Variants in SPIDR observed in about 807,000 individuals in gnomAD.
The protein encoded by SPIDR is DNA repair-scaffolding protein.
A neutral mutation model predicts 104.6 loss-of-function variants in SPIDR; 93 were observed. The ratio of observed to expected loss-of-function variants is 0.89; its 90% CI spans 0.75 to 1.06. The LOEUF (loss-of-function observed/expected upper bound fraction) is 1.06, where lower values mean the gene tolerates loss of function less well. Among genes scored for constraint, SPIDR ranks in the 50% least tolerant of loss-of-function variants. The pLI, the probability that SPIDR is intolerant of heterozygous loss-of-function variation, is 0.00. For missense variants in SPIDR, 1,154 were observed against 1,111.2 expected, an observed-to-expected ratio of 1.04 and a Z score of -0.55; for synonymous variants, 431 against 416.9, an observed-to-expected ratio of 1.03 and a Z score of -0.41.
At chr8:47,671,171 A>G (rs770580661) in intron 10 of SPIDR, among the ~76,000 whole-genome samples, 8 of 152,122 alleles carry the variant, frequency 5.3e-5, no homozygotes, top group Non-Finnish European at 1.0e-4. Flanking sequence ...CAGCCTCCCA[A>G]AGTGCTGGGA....
intron 5 of SPIDR, among the ~76,000 whole-genome samples, chr8:47,354,177 TTCTC>T (rs2054085025): frequency 6.6e-6 from 1 of 152,178 alleles, no homozygotes; most frequent in African/African-American, 2.4e-5. Context: ...CAAAGTGCCT[TTCTC>T]AATCATATAT....
chr8:47,279,720 A>C (rs1225798794), intron 1 of SPIDR, 142 bp from the exon 2 acceptor site: 4 of 742,460 alleles, frequency 5.4e-6, no homozygotes, highest in African/African-American at 3.5e-5. Flanking sequence ...CTTTATGTGA[A>C]GATTTAGAGA....
At chr8:47,352,849 A>C (rs2053800917) in intron 5 of SPIDR, among the ~76,000 whole-genome samples, 1 of 151,950 alleles carries the variant, frequency 6.6e-6, no homozygotes, top group Admixed American at 6.5e-5. Context: ...AGGTTGAGAG[A>C]TCGAGACCAT....
Position 47,464,131 on chromosome 8 carries a change from C to T in SPIDR, c.1097+23589C>T, listed in dbSNP as rs1458419906. ...AAGATTATACACACACACACACACACACACACACACACACACACACACACA... is the reference window on the plus strand; with the variant it reads ...AAGATTATACACACACACACACACATACACACACACACACACACACACACA... On this transcript the variant is annotated intron_variant, in intron 8 of 19. Coordinates refer to ENST00000297423, the MANE Select transcript of SPIDR (RefSeq NM_001080394.4). 8.9e-5 allele frequency among the ~76,000 whole-genome samples: 12 copies of T among 135,416 alleles called. No individual in the cohort carries two copies. In the East Asian group the frequency reaches 2.4e-3, roughly 28 times the overall value. 88.8% of individuals were successfully genotyped at this position (135,416 alleles called of 152,430 possible). A position where few individuals can be genotyped will look rare whatever the true frequency, so the allele number is the denominator to read the frequency against.
chr8:47,611,464 C>T (rs1013896960), intron 10 of SPIDR, among the ~76,000 whole-genome samples: 1 of 151,974 alleles, frequency 6.6e-6, no homozygotes, highest in Non-Finnish European at 1.5e-5. Context: ...TTTGGGAGGC[C>T]GAGACGGGCA....
chr8:47,645,786 AG>A (rs1366496375), intron 10 of SPIDR, among the ~76,000 whole-genome samples: 1 of 152,214 alleles, frequency 6.6e-6, no homozygotes, highest in Non-Finnish European at 1.5e-5. Context: ...TAAGGACAGT[AG>A]GTTAGCCATC....
chr8:47,698,651 C>G (rs1166959947), intron 11 of SPIDR, among the ~76,000 whole-genome samples: 1 of 152,216 alleles, frequency 6.6e-6, no homozygotes, highest in South Asian at 2.1e-4. Context: ...TAGAACTTTC[C>G]TATGGCTGTG....
chr8:47,536,826 A>G (rs2086995718), intron 8 of SPIDR, among the ~76,000 whole-genome samples: 1 of 152,346 alleles, frequency 6.6e-6, no homozygotes, highest in South Asian at 2.1e-4. Flanking sequence ...CATATCTTGT[A>G]AAGAACTTGT....
At chr8:47,271,442 G>A (rs1172133428) in intron 1 of SPIDR, among the ~76,000 whole-genome samples, 2 of 151,684 alleles carry the variant, frequency 1.3e-5, no homozygotes, top group Non-Finnish European at 2.9e-5. Flanking sequence ...AATCTCATTT[G>A]TCTGATTTAA....
At chr8:47,290,391 G>T (rs1014200898) in intron 3 of SPIDR, among the ~76,000 whole-genome samples, 46 of 152,252 alleles carry the variant, frequency 3.0e-4, no homozygotes, top group African/African-American at 1.1e-3. Context: ...GGCATCCTGT[G>T]GTGATAGAAT....
intron 16 of SPIDR, among the ~76,000 whole-genome samples, chr8:47,725,684 C>T (rs749328963): frequency 4.6e-5 from 7 of 152,192 alleles, no homozygotes; most frequent in Non-Finnish European, 1.0e-4. Flanking sequence ...GCCACTGTGC[C>T]CAACCTTAAG....
intron 8 of SPIDR, among the ~76,000 whole-genome samples, chr8:47,457,068 C>G (rs782812070): frequency 1.3e-5 from 2 of 152,156 alleles, no homozygotes; most frequent in Non-Finnish European, 2.9e-5. Context: ...TATAAACATG[C>G]ATGTGCCAGT....
intron 5 of SPIDR, among the ~76,000 whole-genome samples, chr8:47,326,662 C>T (rs1489915210): frequency 6.6e-6 from 1 of 152,216 alleles, no homozygotes; most frequent in African/African-American, 2.4e-5. Flanking sequence ...CTTTCTGTCT[C>T]TGTAGTTTTA....
chr8:47,586,811 C>G (rs2060298776), intron 8 of SPIDR, among the ~76,000 whole-genome samples: 1 of 152,126 alleles, frequency 6.6e-6, no homozygotes, highest in African/African-American at 2.4e-5. Flanking sequence ...CTCTGTCGAC[C>G]AGGCTGGAGT....
At chr8:47,454,436 T>C (rs953766181) in intron 8 of SPIDR, among the ~76,000 whole-genome samples, 6 of 151,672 alleles carry the variant, frequency 4.0e-5, no homozygotes, top group African/African-American at 1.2e-4. Flanking sequence ...ATGAGAACAC[T>C]TGGACACAGG....
chr8:47,526,787 T>C (rs984967943), intron 8 of SPIDR, among the ~76,000 whole-genome samples: 2 of 152,184 alleles, frequency 1.3e-5, no homozygotes, highest in East Asian at 3.8e-4. Context: ...ATTCCTGTCT[T>C]CACAATAAGA....
At position 47,490,807 on chromosome 8, in the gene SPIDR, G is replaced by C. The variant is rs558912435; in HGVS notation, c.1097+50265G>C. ...TGAGAATTGGAAAATGAGAACACTTGGACACAGGAAGGGGAACATCACATA... is the reference window on the plus strand; with the variant it reads ...TGAGAATTGGAAAATGAGAACACTTCGACACAGGAAGGGGAACATCACATA... On this transcript the variant is annotated intron_variant, in intron 8 of 19. Transcript: ENST00000297423. 1.2e-3 allele frequency among the ~76,000 whole-genome samples: 179 copies of C among 152,196 alleles called. 1 individual carries two copies. The highest frequency in any genetic ancestry group is 3.9e-3 in the African/African-American group (162 of 41,514).
chr8:47,550,957 T>A (rs2090359358), intron 8 of SPIDR, among the ~76,000 whole-genome samples: 1 of 152,234 alleles, frequency 6.6e-6, no homozygotes, highest in Non-Finnish European at 1.5e-5. Flanking sequence ...GTACCTAATT[T>A]ATTGAGAGTT....
At chr8:47,685,513 A>ATTTTTTTT (rs376980650) in intron 11 of SPIDR, among the ~76,000 whole-genome samples, 9,809 of 120,580 alleles carry the variant, frequency 0.081, 779 homozygotes, top group East Asian at 0.22. Context: ...TTATTTATTT[A>ATTTTTTTT]TTTATTTTTT....
Sources: gnomAD v4.1 joint callset for allele counts (sites outside exome capture counted in the v4.1 genomes callset) on GRCh38, gnomAD v4.1.1 for gene constraint, MANE v1.5 for transcripts, NCBI Gene and HGNC (gene_info 2026-07-23, HGNC 2026-07-21) for gene names.